Variants in WDR44 observed in about 807,000 individuals in gnomAD.
The protein encoded by WDR44 is WD repeat-containing protein 44.
In WDR44, 9 loss-of-function variants were observed where a neutral mutation model predicts 65.7. The observed-to-expected ratio is 0.14, with a 90% CI of 0.08 to 0.24. WDR44 has a LOEUF of 0.24. Among genes scored for constraint, WDR44 ranks in the 10% least tolerant of loss-of-function variants. WDR44 has a pLI of 1.00. For missense variants in WDR44, 425 were observed against 670.9 expected (o/e 0.63, Z 4.05); for synonymous variants, 220 against 235.2 (o/e 0.94, Z 0.59).
At chrX:118,369,413 C>T (rs1321405034) in intron 1 of WDR44, among the ~76,000 whole-genome samples, 8 of 95,918 alleles carry the variant, frequency 8.3e-5, no homozygotes, top group Middle Eastern at 7.2e-3. Context: ...CCTCGTGATC[C>T]GCCCGCCTCG....
chrX:118,420,776 G>C (rs191216390), intron 12 of WDR44, among the ~76,000 whole-genome samples: 2 of 112,363 alleles, frequency 1.8e-5, no homozygotes, highest in Non-Finnish European at 3.8e-5. Flanking sequence ...TATCCTTCAA[G>C]ATTCAGCTCA....
chrX:118,436,851 G>A (rs973351887), intron 14 of WDR44, 27 bp downstream of exon 14: 37 of 1,141,839 alleles, frequency 3.2e-5, no homozygotes, highest in Non-Finnish European at 3.7e-5. Context: ...ACATGTTTTT[G>A]TTAACCTCTA....
chrX:118,362,902 T>C (rs2056523118), intron 1 of WDR44, among the ~76,000 whole-genome samples: 1 of 106,867 alleles, frequency 9.4e-6, no homozygotes, highest in African/African-American at 3.4e-5. Context: ...ATCCTTTATT[T>C]TTAGTTGCTA....
intron 13 of WDR44, among the ~76,000 whole-genome samples, chrX:118,433,492 G>C (rs1176808425): frequency 9.0e-6 from 1 of 111,275 alleles, no homozygotes; most frequent in African/African-American, 3.3e-5. Flanking sequence ...TTACCACCTG[G>C]TTAAGAAATG....
intron 1 of WDR44, among the ~76,000 whole-genome samples, chrX:118,359,169 T>C (rs1238007112): frequency 1.8e-5 from 2 of 112,524 alleles, no homozygotes; most frequent in South Asian, 3.6e-4. Context: ...AAAGTAACAG[T>C]GATCTAGCAT....
chrX:118,367,512 G>T lies in WDR44; in HGVS notation c.78-10907G>T, dbSNP rs905706922. Among the ~76,000 whole-genome samples the T allele has an allele frequency of 2.7e-5, 3 of 111,705 alleles. No individual in the cohort carries two copies. The Admixed American group carries it at 2.9e-4, about 11-fold the overall frequency. On this transcript the variant is annotated intron_variant, in intron 1 of 19. Coordinates refer to ENST00000254029, the MANE Select transcript of WDR44 (RefSeq NM_019045.5). The stretch of plus-strand genomic sequence containing the variant: ...TAAAGGGTCACAGTTTCACTTGACT[G>T]GCTACCTACCTATGTGAAACCATAA...
intron 19 of WDR44, among the ~76,000 whole-genome samples, chrX:118,447,558 A>G (rs377676524): frequency 2.7e-5 from 3 of 111,030 alleles, no homozygotes. Flanking sequence ...TAATGATGAT[A>G]ACCTAGTTTA....
At position 118,449,326 on chromosome X, in the gene WDR44, G is replaced by T. The variant is rs868361574; in HGVS notation, c.*339G>T. 3.4e-5 allele frequency: 4 copies of T among 118,222 alleles called. No individual in the cohort carries two copies. The highest frequency in any genetic ancestry group is 7.0e-5 in the Non-Finnish European group (4 of 57,444). 9.7% of individuals were successfully genotyped at this position (118,222 alleles called of 1,213,427 possible). On this transcript the variant is annotated 3_prime_UTR_variant, in exon 20 of 20. Coordinates refer to ENST00000254029, the MANE Select transcript of WDR44 (RefSeq NM_019045.5). ...TTGGTTACATGCATTAAATCTAACA[G>T]AGTTAAATTATTTCAGTGGCTCTTT...
At chrX:118,433,985 G>A (rs1484363725) in intron 13 of WDR44, among the ~76,000 whole-genome samples, 2 of 111,815 alleles carry the variant, frequency 1.8e-5, no homozygotes, top group South Asian at 7.4e-4. Flanking sequence ...GCTTAAAGGC[G>A]TATAGCTAGG....
chrX:118,395,985 G>C (rs1461577105), intron 6 of WDR44, among the ~76,000 whole-genome samples: 1 of 110,760 alleles, frequency 9.0e-6, no homozygotes, highest in African/African-American at 3.3e-5. Flanking sequence ...TCACACCACT[G>C]CACTCCAACC....
intron 10 of WDR44, 84 bp downstream of exon 10, chrX:118,407,110 T>C (rs1413471620): frequency 6.2e-6 from 6 of 971,057 alleles, no homozygotes; most frequent in Admixed American, 5.7e-5. Context: ...TCTCTTTCTA[T>C]GTATGTAACT....
chrX:118,424,890 T>C (rs1339888687), intron 12 of WDR44, among the ~76,000 whole-genome samples: 1 of 112,005 alleles, frequency 8.9e-6, no homozygotes, highest in Non-Finnish European at 1.9e-5. Context: ...TATGATGTAA[T>C]ATAAGAGTCC....
chrX:118,419,546 G>T (rs900167112), intron 12 of WDR44, among the ~76,000 whole-genome samples: 1 of 111,795 alleles, frequency 8.9e-6, no homozygotes, highest in Admixed American at 9.5e-5. Flanking sequence ...CCTGGGTCCT[G>T]CAGGAGCATT....
intron 1 of WDR44, among the ~76,000 whole-genome samples, chrX:118,373,901 T>C (rs1242363084): frequency 8.9e-6 from 1 of 112,290 alleles, no homozygotes; most frequent in Non-Finnish European, 1.9e-5. Context: ...GGCAAATGCT[T>C]AATAAATGAT....
chrX:118,378,766 G>T (rs888817027), intron 2 of WDR44, among the ~76,000 whole-genome samples: 19 of 98,415 alleles, frequency 1.9e-4, no homozygotes, highest in African/African-American at 7.9e-4. Context: ...AGGCATGGTG[G>T]CTCACACCTG....
chrX:118,436,613 A>C (rs2057257335), intron 13 of WDR44, 89 bp from the exon 14 acceptor site: 1 of 983,075 alleles, frequency 1.0e-6, no homozygotes, highest in African/African-American at 1.9e-5. Flanking sequence ...AAAACTGTTG[A>C]GATACAAAAA....
At chrX:118,420,352 A>G (rs1344343866) in intron 12 of WDR44, among the ~76,000 whole-genome samples, 1 of 110,725 alleles carries the variant, frequency 9.0e-6, no homozygotes, top group South Asian at 3.8e-4. Context: ...TCCCGGGTTC[A>G]AGGGGTTCTC....
chrX:118,392,428 T>C (rs2056827942), intron 3 of WDR44, among the ~76,000 whole-genome samples: 1 of 111,997 alleles, frequency 8.9e-6, no homozygotes, highest in Non-Finnish European at 1.9e-5. Flanking sequence ...CTTTGTGACC[T>C]TGGACAAATC....
intron 17 of WDR44, 107 bp downstream of exon 17, chrX:118,442,787 G>C: frequency 1.7e-6 from 1 of 586,555 alleles, no homozygotes; most frequent in Non-Finnish European, 2.8e-6. Flanking sequence ...TTTCACTTTT[G>C]CAAGTAGTAG....
Sources: gnomAD v4.1 joint callset for allele counts (sites outside exome capture counted in the v4.1 genomes callset) on GRCh38, gnomAD v4.1.1 for gene constraint, MANE v1.5 for transcripts, NCBI Gene and HGNC (gene_info 2026-07-23, HGNC 2026-07-21) for gene names.